Variants in DSCAM observed in about 807,000 individuals in gnomAD.
The protein encoded by DSCAM is cell adhesion molecule DSCAM.
In DSCAM, 47 loss-of-function variants were observed where a neutral mutation model predicts 217.7. The ratio of observed to expected loss-of-function variants is 0.22; its 90% CI spans 0.17 to 0.28. The LOEUF is 0.28. DSCAM is among the 10% of genes least tolerant of loss of function. The pLI, the probability that DSCAM is intolerant of heterozygous loss-of-function variation, is 1.00. For synonymous variants in DSCAM, 1,056 were observed against 1,015.3 expected, an observed-to-expected ratio of 1.04 and a Z score of -0.76; for missense variants, 2,080 against 2,618.3, an observed-to-expected ratio of 0.79 and a Z score of 4.49.
intron 1 of DSCAM, among the ~76,000 whole-genome samples, chr21:40,736,567 G>C (rs1446693655): frequency 1.3e-5 from 2 of 152,314 alleles, no homozygotes; most frequent in East Asian, 3.9e-4. Context: ...CCCTGTCACT[G>C]TGACTTGGTC....
chr21:40,268,922 C>A (rs1049157202), intron 11 of DSCAM, among the ~76,000 whole-genome samples: 3 of 152,134 alleles, frequency 2.0e-5, no homozygotes, highest in Admixed American at 2.0e-4. Context: ...TGCCCAGGTC[C>A]GAGTGCTGCC....
chr21:40,193,605 C>A (rs2090976358), intron 11 of DSCAM, among the ~76,000 whole-genome samples: 2 of 152,168 alleles, frequency 1.3e-5, no homozygotes, highest in Non-Finnish European at 2.9e-5. Context: ...CTGATTCCTG[C>A]AACACCCTCA....
intron 3 of DSCAM, among the ~76,000 whole-genome samples, chr21:40,402,199 A>G (rs1021951235): frequency 1.1e-4 from 16 of 150,854 alleles, no homozygotes; most frequent in African/African-American, 3.4e-4. Context: ...AGCTGGGACT[A>G]CAGACTACAG....
intron 20 of DSCAM, among the ~76,000 whole-genome samples, chr21:40,112,380 C>T (rs906477195): frequency 3.9e-5 from 6 of 151,986 alleles, no homozygotes; most frequent in Non-Finnish European, 8.8e-5. Flanking sequence ...AGAACAAAGA[C>T]ACAACATACC....
intron 3 of DSCAM, among the ~76,000 whole-genome samples, chr21:40,478,115 CT>C (rs1204106832): frequency 6.6e-6 from 1 of 152,172 alleles, no homozygotes; most frequent in Non-Finnish European, 1.5e-5. Flanking sequence ...AATATATTCT[CT>C]TGTGTCTGTC....
intron 3 of DSCAM, among the ~76,000 whole-genome samples, chr21:40,370,683 T>C: frequency 6.6e-6 from 1 of 152,066 alleles, no homozygotes; most frequent in East Asian, 1.9e-4. Flanking sequence ...TGCAGTGGTA[T>C]CATCTCAGCT....
intron 3 of DSCAM, among the ~76,000 whole-genome samples, chr21:40,542,479 G>A (rs534362498): frequency 1.3e-5 from 2 of 152,304 alleles, no homozygotes; most frequent in African/African-American, 4.8e-5. Flanking sequence ...TAGGAGGTGG[G>A]GCCTTTGGAA....
intron 3 of DSCAM, among the ~76,000 whole-genome samples, chr21:40,450,666 TTATC>T (rs2075711334): frequency 6.6e-6 from 1 of 152,238 alleles, no homozygotes; most frequent in Admixed American, 6.5e-5. Context: ...GGCATGAAGT[TTATC>T]TAAGCCATCA....
chr21:40,143,610 T>C (rs934997997), intron 17 of DSCAM, among the ~76,000 whole-genome samples: 3 of 152,022 alleles, frequency 2.0e-5, no homozygotes, highest in South Asian at 2.1e-4. Context: ...GCTAACACGG[T>C]GAAAACCCGT....
At chr21:40,470,589 C>T (rs1432896736) in intron 3 of DSCAM, among the ~76,000 whole-genome samples, 1 of 152,214 alleles carries the variant, frequency 6.6e-6, no homozygotes, top group Admixed American at 6.5e-5. Flanking sequence ...TCTTCTCTGT[C>T]ACCCAGGCTG....
intron 1 of DSCAM, among the ~76,000 whole-genome samples, chr21:40,811,132 C>T (rs780253929): frequency 1.8e-4 from 28 of 152,186 alleles, no homozygotes; most frequent in Non-Finnish European, 3.8e-4. Context: ...GGGTTTCTCA[C>T]ATCCTTTCCA....
At chr21:40,387,813 TA>T (rs1244143579) in intron 3 of DSCAM, among the ~76,000 whole-genome samples, 1 of 152,072 alleles carries the variant, frequency 6.6e-6, no homozygotes, top group African/African-American at 2.4e-5. Context: ...TGAATAAGAG[TA>T]TATCATAAAA....
At chr21:40,364,293 G>A (rs2074802631) in intron 4 of DSCAM, among the ~76,000 whole-genome samples, 1 of 152,106 alleles carries the variant, frequency 6.6e-6, no homozygotes, top group Non-Finnish European at 1.5e-5. Context: ...GCCCAACAAT[G>A]ATAGACTGGA....
At chr21:40,201,766 A>T (rs1483766016) in intron 11 of DSCAM, among the ~76,000 whole-genome samples, 4 of 152,198 alleles carry the variant, frequency 2.6e-5, no homozygotes, top group African/African-American at 9.7e-5. Context: ...ATTATGTAGA[A>T]AAAGGAAAAT....
chr21:40,488,450 TC>T (rs2146004843), intron 3 of DSCAM, among the ~76,000 whole-genome samples: 1 of 152,336 alleles, frequency 6.6e-6, no homozygotes, highest in South Asian at 2.1e-4. Flanking sequence ...CCTGATAGTT[TC>T]AATGAGAAAC....
chr21:40,130,433 A>AC (rs2090143057), intron 19 of DSCAM, among the ~76,000 whole-genome samples: 1 of 152,150 alleles, frequency 6.6e-6, no homozygotes, highest in African/African-American at 2.4e-5. Context: ...GTAGTCACAG[A>AC]CCCCAAAAAA....
At chr21:40,246,350 G>A (rs1275210219) in intron 11 of DSCAM, among the ~76,000 whole-genome samples, 5 of 74,206 alleles carry the variant, frequency 6.7e-5, no homozygotes, top group Admixed American at 4.6e-4. Context: ...AACCCAGTCC[G>A]TACTAAAAAA....
chr21:40,463,013 C>G (rs145506740), intron 3 of DSCAM, among the ~76,000 whole-genome samples: 2 of 152,162 alleles, frequency 1.3e-5, no homozygotes, highest in Non-Finnish European at 2.9e-5. Context: ...ATTGTTGCTA[C>G]TATTTCCTCT....
At chr21:40,247,805 G>A (rs2073246823) in intron 11 of DSCAM, among the ~76,000 whole-genome samples, 1 of 152,156 alleles carries the variant, frequency 6.6e-6, no homozygotes, top group African/African-American at 2.4e-5. Flanking sequence ...CTCTGTGTGG[G>A]GCCTCTGACC....
Sources: gnomAD v4.1 joint callset for allele counts (sites outside exome capture counted in the v4.1 genomes callset) on GRCh38, gnomAD v4.1.1 for gene constraint, MANE v1.5 for transcripts, NCBI Gene and HGNC (gene_info 2026-07-23, HGNC 2026-07-21) for gene names.